The following COL23A1 variants were observed in gnomAD, a reference collection of about 807,000 sequenced individuals.
The protein encoded by COL23A1 is collagen type XXIII alpha 1 chain.
COL23A1 carries 97 observed loss-of-function variants against 99.3 expected under a neutral mutation model. The ratio of observed to expected loss-of-function variants is 0.98; its 90% CI spans 0.83 to 1.16. The LOEUF (loss-of-function observed/expected upper bound fraction) is 1.16, where lower values mean the gene tolerates loss of function less well. Among genes scored for constraint, COL23A1 ranks in the 50% most tolerant of loss-of-function variants. COL23A1 has a pLI of 0.00. For missense variants in COL23A1, 762 were observed against 757.4 expected, an observed-to-expected ratio of 1.01 and a Z score of -0.07; for synonymous variants, 320 against 308.2, an observed-to-expected ratio of 1.04 and a Z score of -0.40.
chr5:178,585,081 C>T (rs572197051), intron 1 of COL23A1, among the ~76,000 whole-genome samples: 46 of 152,250 alleles, frequency 3.0e-4, no homozygotes, highest in Admixed American at 1.2e-3. Flanking sequence ...CAGCTGTGGC[C>T]GGCAGCACAG....
intron 2 of COL23A1, among the ~76,000 whole-genome samples, chr5:178,481,767 A>G (rs1287086445): frequency 7.9e-5 from 12 of 151,436 alleles, no homozygotes; most frequent in Middle Eastern, 3.4e-3. Context: ...ACTGCTGGGC[A>G]TTAAAAATGG....
intron 2 of COL23A1, among the ~76,000 whole-genome samples, chr5:178,466,322 GTTGTCACCA>G (rs1645262418): frequency 6.6e-6 from 1 of 152,200 alleles, no homozygotes; most frequent in African/African-American, 2.4e-5. Context: ...AGCAATGGTA[GTTGTCACCA>G]TTGCTGTTGA....
chr5:178,393,400 C>T (rs1581297653), intron 2 of COL23A1, among the ~76,000 whole-genome samples: 1 of 152,094 alleles, frequency 6.6e-6, no homozygotes, highest in East Asian at 1.9e-4. Context: ...GGAGTTATGG[C>T]TTAATGGGTG....
At chr5:178,502,729 G>A (rs778030731) in intron 2 of COL23A1, among the ~76,000 whole-genome samples, 10 of 152,244 alleles carry the variant, frequency 6.6e-5, no homozygotes, top group Non-Finnish European at 8.8e-5. Context: ...CATTCACATA[G>A]TTGACGGTCC....
intron 1 of COL23A1, among the ~76,000 whole-genome samples, chr5:178,562,894 C>CAG (rs1485952072): frequency 6.6e-6 from 1 of 152,154 alleles, no homozygotes; most frequent in Non-Finnish European, 1.5e-5. Flanking sequence ...TGCATTTTTA[C>CAG]AGAGCACTGA....
At chr5:178,469,535 G>A (rs997035825) in intron 2 of COL23A1, among the ~76,000 whole-genome samples, 4 of 152,034 alleles carry the variant, frequency 2.6e-5, no homozygotes, top group African/African-American at 7.2e-5. Flanking sequence ...GTGAGGGGCC[G>A]ATGGGCAGTC....
chr5:178,524,576 G>C (rs1274558668), intron 2 of COL23A1, among the ~76,000 whole-genome samples: 1 of 152,148 alleles, frequency 6.6e-6, no homozygotes, highest in Non-Finnish European at 1.5e-5. Context: ...GAAATGGTCG[G>C]GCATTGACCT....
intron 2 of COL23A1, among the ~76,000 whole-genome samples, chr5:178,461,859 G>T (rs1756140046): frequency 6.6e-6 from 1 of 152,240 alleles, no homozygotes; most frequent in Non-Finnish European, 1.5e-5. Context: ...GGAAAATATA[G>T]GGGTGCAAAT....
rs1347321249 is a variant in COL23A1, at chr5:178,247,826, C to G, written c.1218G>C (p.Gln406His). The G allele has an allele frequency of 1.2e-6, 2 of 1,612,554 alleles. No individual in the cohort carries two copies. The highest frequency in any genetic ancestry group is 1.3e-5 in the African/African-American group (1 of 75,036). ...ASDSLQESLA[Q>H]LIVEPGPPGP... ...CAGGGGGCCCTGGCTCCACTATGAG[C>G]TGAGCCTAGGGAGGGTGAGAGACAG... The change falls in exon 21 of 29, where the codon CAG (glutamine) becomes CAC (histidine). Residue 406 changes from glutamine (Q) to histidine (H), a missense_variant. Gln to His is a conservative substitution (Grantham distance 24). Coordinates refer to ENST00000390654, the MANE Select transcript of COL23A1 (RefSeq NM_173465.4).
At chr5:178,518,927 GGCGGCGGCGGCTGCGGTCGGTC>G (rs1232948026) in intron 2 of COL23A1, among the ~76,000 whole-genome samples, 1 of 92,880 alleles carries the variant, frequency 1.1e-5, no homozygotes, top group African/African-American at 4.7e-5. Context: ...CCGGCGGTCG[GGCGGCGGCGGCTGCGGTCGGTC>G]GCGGCAGCGG....
Position 178,359,147 on chromosome 5 carries a change from C to T in COL23A1, c.362-52228G>A, listed in dbSNP as rs115400415. Among the ~76,000 whole-genome samples the T allele has an allele frequency of 5.6e-3, 860 of 152,306 alleles. 4 individuals are homozygous for T. Among genetic ancestry groups the T allele is most frequent in the African/African-American group, 0.02 (814 of 41,572 alleles). On this transcript the variant is annotated intron_variant, in intron 2 of 28. Coordinates refer to ENST00000390654, the MANE Select transcript of COL23A1 (RefSeq NM_173465.4). ...TCTGGCACTGCAGTAAATATTCATGCAACCCTGGGCAAGTCATTTAACCTC... is the reference window on the plus strand; with the variant it reads ...TCTGGCACTGCAGTAAATATTCATGTAACCCTGGGCAAGTCATTTAACCTC...
chr5:178,335,962 G>A (rs1561872685), intron 2 of COL23A1, among the ~76,000 whole-genome samples: 2 of 152,298 alleles, frequency 1.3e-5, no homozygotes, highest in South Asian at 4.1e-4. Flanking sequence ...CAGCTTTTAG[G>A]TGGCTATGTT....
At chr5:178,364,298 C>T (rs183602140) in intron 2 of COL23A1, among the ~76,000 whole-genome samples, 5 of 148,418 alleles carry the variant, frequency 3.4e-5, no homozygotes, top group South Asian at 2.2e-4. Flanking sequence ...ACAGGAAGTC[C>T]GTCTTCTTCC....
chr5:178,297,231 A>C (rs1198721528), intron 3 of COL23A1, among the ~76,000 whole-genome samples: 5 of 152,268 alleles, frequency 3.3e-5, no homozygotes, highest in Non-Finnish European at 7.3e-5. Context: ...CAAAGATGTC[A>C]AAGACAAGGC....
intron 2 of COL23A1, among the ~76,000 whole-genome samples, chr5:178,345,821 G>A (rs116146819): frequency 0.027 from 4,134 of 151,872 alleles, 65 homozygotes; most frequent in South Asian, 0.048. Context: ...CGTTGCGCCC[G>A]GACTTTTTGA....
chr5:178,354,860 C>G (rs1416111764), intron 2 of COL23A1, among the ~76,000 whole-genome samples: 2 of 152,084 alleles, frequency 1.3e-5, no homozygotes, highest in East Asian at 3.8e-4. Context: ...AGTTCGAAAC[C>G]AGCCTGGGCA....
At chr5:178,451,656 CAAAAAAA>C (rs5873614) in intron 2 of COL23A1, among the ~76,000 whole-genome samples, 7 of 105,552 alleles carry the variant, frequency 6.6e-5, no homozygotes, top group African/African-American at 2.7e-4. Context: ...AACTCCATCT[CAAAAAAA>C]AAAAAAAAAA....
chr5:178,440,280 C>T lies in COL23A1; in HGVS notation c.361+120402G>A, dbSNP rs1053834900. 3.3e-5 allele frequency among the ~76,000 whole-genome samples: 5 copies of T among 152,232 alleles called. No individual in the cohort carries two copies. The South Asian group carries it at 6.2e-4, about 19-fold the overall frequency. On this transcript the variant is annotated intron_variant, in intron 2 of 28. Coordinates refer to ENST00000390654, the MANE Select transcript of COL23A1 (RefSeq NM_173465.4). ...TGCAGATTTGCCTTTCCGGGACCAA[C>T]TCCCCAGGACCCAAGCCCCGTGGAA...
chr5:178,249,716 A>ACACACTCACTCTCTCTCTCTCT, intron 18 of COL23A1, among the ~76,000 whole-genome samples: 26 of 92,806 alleles, frequency 2.8e-4, no homozygotes, highest in Non-Finnish European at 4.8e-4. Context: ...ACACACACAC[A>ACACACTCACTCTCTCTCTCTCT]CTCTCTCTCT....
Sources: allele counts gnomAD v4.1 joint callset (sites outside exome capture counted in the v4.1 genomes callset), GRCh38; gene constraint gnomAD v4.1.1; transcripts MANE v1.5; gene names NCBI Gene and HGNC (gene_info 2026-07-23, HGNC 2026-07-21).